Variants in FAM3D observed in about 807,000 individuals in gnomAD.
FAM3D encodes the protein protein FAM3D.
FAM3D carries 26 observed loss-of-function variants against 29.8 expected under a neutral mutation model. That is an observed-to-expected ratio of 0.87 (90% confidence interval 0.64 to 1.21). The LOEUF is 1.21. Ranked by LOEUF, FAM3D falls within the 50% of genes most tolerant of loss-of-function variation. The pLI is 0.00. For missense variants in FAM3D, 253 were observed against 290.9 expected, an observed-to-expected ratio of 0.87 and a Z score of 0.95; for synonymous variants, 115 against 102.3, an observed-to-expected ratio of 1.12 and a Z score of -0.75.
At chr3:58,637,955 G>A (rs528158107) in intron 7 of FAM3D, among the ~76,000 whole-genome samples, 1 of 151,978 alleles carries the variant, frequency 6.6e-6, no homozygotes, top group South Asian at 2.1e-4. Context: ...CGCGATCTGC[G>A]CTCATTGCAA....
intron 1 of FAM3D, among the ~76,000 whole-genome samples, chr3:58,662,841 G>T (rs575642746): frequency 7.2e-5 from 11 of 152,370 alleles, no homozygotes; most frequent in Admixed American, 6.5e-4. Flanking sequence ...TCTCTGGGTT[G>T]CAGAGATGGG....
chr3:58,639,052 T>C (rs1443470069), intron 7 of FAM3D, among the ~76,000 whole-genome samples: 1 of 152,242 alleles, frequency 6.6e-6, no homozygotes, highest in Non-Finnish European at 1.5e-5. Context: ...AATGCTTCTG[T>C]TTCTGGGTCC....
chr3:58,637,155 G>A lies in FAM3D; in HGVS notation c.444C>T (p.Asp148=), dbSNP rs145203737. The A allele has an allele frequency of 1.6e-3, 2,540 of 1,613,896 alleles. 22 individuals are homozygous for A. The African/African-American group carries it at 0.025, about 16-fold the overall frequency. Residue 148 remains aspartate, a synonymous_variant, in exon 8 of 10, where the codon GAC becomes GAT. Coordinates refer to ENST00000358781, the MANE Select transcript of FAM3D (RefSeq NM_138805.3). ...TTTCTACTTACTTGGTCCCTGGATC[G>A]TCGTAGGAGGCCACCAGCACCAGTG... ...GGALVLVASY[D]DPGTKMNDES...
intron 6 of FAM3D, among the ~76,000 whole-genome samples, chr3:58,641,009 G>T (rs937039066): frequency 6.6e-6 from 1 of 152,070 alleles, no homozygotes; most frequent in South Asian, 2.1e-4. Flanking sequence ...GATCGCGTGC[G>T]CTTGTGAATG....
intron 1 of FAM3D, among the ~76,000 whole-genome samples, chr3:58,661,736 A>G (rs546311439): frequency 5.7e-4 from 87 of 152,304 alleles, no homozygotes; most frequent in African/African-American, 2.0e-3. Flanking sequence ...TTTAGTGAAG[A>G]TTAAAGGCAA....
chr3:58,654,498 A>C (rs1012446582), intron 2 of FAM3D, among the ~76,000 whole-genome samples: 1 of 152,134 alleles, frequency 6.6e-6, no homozygotes, highest in African/African-American at 2.4e-5. Flanking sequence ...TTGCTTTCTG[A>C]TTCCCCATGT....
Position 58,645,502 on chromosome 3 carries a change from T to C in FAM3D, c.263+7A>G, listed in dbSNP as rs779347432. 1 of 1,594,684 alleles carries C rather than the reference T, an allele frequency of 6.3e-7. No individual in the cohort carries two copies. Among genetic ancestry groups the C allele is most frequent in the East Asian group, 2.2e-5 (1 of 44,742 alleles). ...AAAATAAACATAGTTGTGTCTTAGG[T>C]ACTTACATGCGGTCTTCAAAGCACA... On this transcript the variant is annotated splice_region_variant and intron_variant, in intron 5 of 9. Coordinates refer to ENST00000358781, the MANE Select transcript of FAM3D (RefSeq NM_138805.3).
chr3:58,653,896 C>T (rs1482008452), intron 2 of FAM3D, 115 bp from the exon 3 acceptor site: 1 of 784,218 alleles, frequency 1.3e-6, no homozygotes, highest in African/African-American at 1.7e-5. Context: ...AGACCACATC[C>T]ATGCTGGGGA....
intron 6 of FAM3D, among the ~76,000 whole-genome samples, chr3:58,642,322 C>T (rs1005667820): frequency 2.0e-5 from 3 of 152,194 alleles, no homozygotes; most frequent in Admixed American, 1.3e-4. Flanking sequence ...CTTGGCAGAG[C>T]GAGAAAAGGC....
Position 58,635,877 on chromosome 3 carries a change from C to T in FAM3D, c.585+417G>A, listed in dbSNP as rs1219068393. On this transcript the variant is annotated intron_variant, in intron 9 of 9. Transcript: ENST00000358781. The surrounding 1 kb of genome is among the most constrained non-coding windows in gnomAD (Gnocchi z 5.2). The stretch of plus-strand genomic sequence containing the variant: ...CATCGGCCTCCTCCCTGCCTTCTGA[C>T]TTCCCTCCTCGTTTTCTCCATGCCT... Among the ~76,000 whole-genome samples, 1 of 152,150 alleles carries T rather than the reference C, an allele frequency of 6.6e-6. No individual in the cohort carries two copies. Among genetic ancestry groups the T allele is most frequent in the Non-Finnish European group, 1.5e-5 (1 of 68,026 alleles).
intron 2 of FAM3D, among the ~76,000 whole-genome samples, chr3:58,655,128 T>A (rs539443163): frequency 2.0e-5 from 3 of 152,310 alleles, no homozygotes; most frequent in Non-Finnish European, 4.4e-5. Flanking sequence ...AGAATGTAAA[T>A]GAGGCAGGTG....
intron 5 of FAM3D, 123 bp from the exon 6 acceptor site, chr3:58,643,843 G>C (rs2066403902): frequency 2.4e-6 from 2 of 834,318 alleles, no homozygotes; most frequent in Non-Finnish European, 2.1e-6. Flanking sequence ...GGAAACACAT[G>C]CAATAACTGG....
chr3:58,659,635 G>A (rs1411929918), intron 1 of FAM3D, among the ~76,000 whole-genome samples: 1 of 152,212 alleles, frequency 6.6e-6, no homozygotes, highest in Non-Finnish European at 1.5e-5. Flanking sequence ...CCAGGGAGTG[G>A]CTCTCAAAGG....
rs61730208 is a variant in FAM3D at position 58,637,157 on chromosome 3, C to T, written c.442G>A (p.Asp148Asn). ...TCTACTTACTTGGTCCCTGGATCGT[C>T]GTAGGAGGCCACCAGCACCAGTGCA... is the stretch of plus-strand genomic sequence containing the variant. Reference protein sequence around the residue: ...GGALVLVASYDDPGTKMNDES... With the variant: ...GGALVLVASYNDPGTKMNDES... The change falls in exon 8 of 10, where the codon GAC becomes AAC. Residue 148 changes from aspartate to asparagine, a missense_variant. Transcript: ENST00000358781. 5.0e-5 allele frequency: 80 copies of T among 1,613,942 alleles called. No individual in the cohort carries two copies. Among genetic ancestry groups the T allele is most frequent in the African/African-American group, 1.9e-4 (14 of 75,006 alleles).
In FAM3D at chr3:58,637,185, C is replaced by T. The variant is rs1467910204; in HGVS notation, c.414G>A (p.Gly138=). The T allele has an allele frequency of 6.2e-7, 1 of 1,613,986 alleles. No individual in the cohort carries two copies. The highest frequency in any genetic ancestry group is 1.1e-5 in the South Asian group (1 of 91,038). ...AGGAGGCCACCAGCACCAGTGCACC[C>T]CCCGGAATTTCTTTAAGGAATTTCA... ...HLVKFLKEIP[G]GALVLVASYD... The change falls in exon 8 of 10, where the codon GGG becomes GGA. Residue 138 remains glycine (G), a synonymous_variant. Coordinates refer to ENST00000358781, the MANE Select transcript of FAM3D (RefSeq NM_138805.3).
rs1018972163 is a variant in FAM3D at position 58,634,150 on chromosome 3, C to T, written c.*129G>A. On this transcript the variant is annotated 3_prime_UTR_variant, in exon 10 of 10. Transcript: ENST00000358781. This position sits in a 1 kb window ranked among gnomAD's most constrained non-coding sequence, Gnocchi z 4.6. ...TCCGAGGAGGAGAGGCGCGACACAG[C>T]GTGCAAGGACCTGCAGCACCTTCCA... 4.2e-5 allele frequency: 31 copies of T among 744,280 alleles called. No homozygotes were observed. The highest frequency in any genetic ancestry group is 7.9e-4 in the Middle Eastern group (2 of 2,516). The allele number at this position is 744,280 out of a possible 1,614,324, so 46.1% of individuals were successfully genotyped here. A position where few individuals can be genotyped will look rare whatever the true frequency, so the allele number is the denominator to read the frequency against.
At chr3:58,655,469 G>T (rs2066766864) in intron 2 of FAM3D, 82 bp downstream of exon 2, 3 of 1,582,396 alleles carry the variant, frequency 1.9e-6, no homozygotes, top group South Asian at 1.2e-5. Flanking sequence ...TTTGAGAACA[G>T]ATACAGCCAA....
intron 5 of FAM3D, among the ~76,000 whole-genome samples, chr3:58,643,997 A>G (rs1258126686): frequency 6.6e-6 from 1 of 151,854 alleles, no homozygotes; most frequent in Admixed American, 6.6e-5. Context: ...GGGCCAGCCC[A>G]CCCCCAGGCC....
chr3:58,643,795 A>T, intron 5 of FAM3D, 75 bp from the exon 6 acceptor site: 1 of 1,383,960 alleles, frequency 7.2e-7, no homozygotes, highest in Admixed American at 1.7e-5. Context: ...CAGCTGGGGA[A>T]CTCCGTGAGG....
Sources: gnomAD v4.1 joint callset for allele counts (sites outside exome capture counted in the v4.1 genomes callset) on GRCh38, gnomAD v4.1.1 for gene constraint, Gnocchi (gnomAD v3.1) non-coding constraint, MANE v1.5 for transcripts, NCBI Gene and HGNC (gene_info 2026-07-23, HGNC 2026-07-21) for gene names.